The following ZNF609 variants were observed in gnomAD, a reference collection of about 807,000 sequenced individuals.
The protein encoded by ZNF609 is zinc finger protein 609.
ZNF609 carries 11 observed loss-of-function variants against 109.5 expected under a neutral mutation model. The observed-to-expected ratio is 0.10, with a 90% CI of 0.06 to 0.17. The LOEUF is 0.17. ZNF609 is among the 10% of genes least tolerant of loss of function. The pLI is 1.00. For missense variants in ZNF609, 1,559 were observed against 1,772.4 expected (o/e 0.88, Z 2.16); for synonymous variants, 646 against 662.0 (o/e 0.98, Z 0.37).
intron 1 of ZNF609, among the ~76,000 whole-genome samples, chr15:64,490,013 C>T (rs1223288295): frequency 2.0e-5 from 3 of 152,194 alleles, no homozygotes; most frequent in Non-Finnish European, 4.4e-5. Flanking sequence ...GGCGGGAGTG[C>T]AGTGGCATGA....
intron 1 of ZNF609, among the ~76,000 whole-genome samples, chr15:64,463,240 T>C (rs1892967656): frequency 6.6e-6 from 1 of 151,444 alleles, no homozygotes; most frequent in Admixed American, 6.6e-5. Flanking sequence ...ACAAAAAATA[T>C]AAAAAATGTT....
chr15:64,505,495 C>G (rs1339482175), intron 2 of ZNF609, among the ~76,000 whole-genome samples: 1 of 152,140 alleles, frequency 6.6e-6, no homozygotes, highest in Non-Finnish European at 1.5e-5. Context: ...ATTTTAGATA[C>G]TAGGTTTTCT....
intron 1 of ZNF609, among the ~76,000 whole-genome samples, chr15:64,463,797 C>T (rs1257946148): frequency 6.6e-6 from 1 of 152,190 alleles, no homozygotes; most frequent in Non-Finnish European, 1.5e-5. Flanking sequence ...AGACTATTTC[C>T]AACTCTGTGT....
At chr15:64,464,104 G>A (rs1892978730) in intron 1 of ZNF609, among the ~76,000 whole-genome samples, 1 of 152,144 alleles carries the variant, frequency 6.6e-6, no homozygotes, top group Non-Finnish European at 1.5e-5. Flanking sequence ...AAGTTGGACA[G>A]ATTAGTGCTT....
At chr15:64,463,429 G>C (rs1449808597) in intron 1 of ZNF609, among the ~76,000 whole-genome samples, 1 of 151,830 alleles carries the variant, frequency 6.6e-6, no homozygotes, top group Non-Finnish European at 1.5e-5. Context: ...TTGGGGCCTG[G>C]AAAAGAGGTT....
chr15:64,514,971 T>TTTG lies in ZNF609; in HGVS notation c.747+14817_747+14819dup, dbSNP rs560453429. Among the ~76,000 whole-genome samples the TTTG allele has an allele frequency of 5.3e-5, 8 of 152,222 alleles. No individual in the cohort carries two copies. The East Asian group carries it at 1.4e-3, about 26-fold the overall frequency. ...AAATTTTTTAATCCTGCTTTAATTT[T>TTTG]TTGTTGTTGTTGTTATTTCTGAAAT... is the stretch of plus-strand genomic sequence containing the variant. On this transcript the variant is annotated intron_variant, in intron 2 of 9. Transcript: ENST00000326648.
At chr15:64,562,264 A>C (rs1032138422) in intron 2 of ZNF609, among the ~76,000 whole-genome samples, 2 of 152,228 alleles carry the variant, frequency 1.3e-5, no homozygotes, top group Admixed American at 1.3e-4. Flanking sequence ...ATTCACTGTA[A>C]TTAGTAAGAA....
At chr15:64,485,028 T>G (rs1893313504) in intron 1 of ZNF609, among the ~76,000 whole-genome samples, 1 of 152,112 alleles carries the variant, frequency 6.6e-6, no homozygotes, top group African/African-American at 2.4e-5. Flanking sequence ...CAAAATTAAC[T>G]TAGTGTACTG....
intron 2 of ZNF609, among the ~76,000 whole-genome samples, chr15:64,513,615 G>GT (rs1262646836): frequency 3.9e-5 from 6 of 152,164 alleles, no homozygotes; most frequent in African/African-American, 1.4e-4. Flanking sequence ...AACACAATCA[G>GT]TTTTTTCTTT....
In ZNF609 at chr15:64,550,618, G is replaced by T. The variant is rs1309644630; in HGVS notation, c.747+50452G>T. ...TCCCAGCACTTTGGGAGGCCAAGGT[G>T]GGCGGATCACCTGAGGTCACCAGCC... is the stretch of plus-strand genomic sequence containing the variant. On this transcript the variant is annotated intron_variant, in intron 2 of 9. Transcript: ENST00000326648. 2.0e-5 allele frequency among the ~76,000 whole-genome samples: 3 copies of T among 151,950 alleles called. No individual in the cohort carries two copies. In the South Asian group the frequency reaches 6.3e-4, roughly 32 times the overall value.
In ZNF609 at chr15:64,685,151, A is replaced by G. The variant is rs1047912928; in HGVS notation, c.*3465A>G. ...CCCTTCTGTAAAGTGTACATTACCA[A>G]GTTCCTTGTTTTTTTATATATATAT... On this transcript the variant is annotated 3_prime_UTR_variant, in exon 10 of 10. Transcript: ENST00000326648. 1 of 151,406 alleles carries G rather than the reference A, an allele frequency of 6.6e-6. No individual in the cohort carries two copies. The highest frequency in any genetic ancestry group is 1.5e-5 in the Non-Finnish European group (1 of 67,840). 9.4% of individuals were successfully genotyped at this position (151,406 alleles called of 1,614,324 possible).
At chr15:64,519,942 T>C (rs1893867520) in intron 2 of ZNF609, among the ~76,000 whole-genome samples, 1 of 152,212 alleles carries the variant, frequency 6.6e-6, no homozygotes, top group South Asian at 2.1e-4. Flanking sequence ...ATGCACAGTA[T>C]ATGGAGGTTA....
At chr15:64,558,835 GA>G (rs1894632993) in intron 2 of ZNF609, among the ~76,000 whole-genome samples, 1 of 151,666 alleles carries the variant, frequency 6.6e-6, no homozygotes, top group Non-Finnish European at 1.5e-5. Flanking sequence ...TTATTTCAAA[GA>G]ATTTTATTTT....
At position 64,680,721 on chromosome 15, in the gene ZNF609, G is replaced by T; in HGVS notation, c.4021G>T (p.Val1341Phe). Residue 1341 changes from valine (V) to phenylalanine (F), a missense_variant, in exon 8 of 10, where the codon GTC becomes TTC. By Grantham distance (50) the Val-to-Phe change is conservative. Coordinates refer to ENST00000326648, the MANE Select transcript of ZNF609 (RefSeq NM_015042.2). ...VVGGGGSCSS[V>F]GGASGGERSV... The stretch of plus-strand genomic sequence containing the variant: ...TGGGGGTGGTGGCAGCTGTAGCAGC[G>T]TCGGGGGAGCAAGTGGGGGTGAACG... The T allele has an allele frequency of 6.2e-7, 1 of 1,612,978 alleles. No homozygotes were observed. The highest frequency in any genetic ancestry group is 8.5e-7 in the Non-Finnish European group (1 of 1,179,892).
intron 2 of ZNF609, among the ~76,000 whole-genome samples, chr15:64,527,027 T>C (rs1224913044): frequency 6.6e-6 from 1 of 152,022 alleles, no homozygotes; most frequent in Non-Finnish European, 1.5e-5. Flanking sequence ...CAGAACAAGA[T>C]AATTCTTGAG....
chr15:64,619,909 T>C (rs1388867868), intron 2 of ZNF609, among the ~76,000 whole-genome samples: 1 of 152,226 alleles, frequency 6.6e-6, no homozygotes, highest in Non-Finnish European at 1.5e-5. Context: ...CTTCATTTTA[T>C]CTAGAATGTA....
intron 2 of ZNF609, chr15:64,592,943 A>G (rs1167372818): frequency 1.2e-6 from 1 of 867,824 alleles, no homozygotes; most frequent in African/African-American, 1.7e-5. Flanking sequence ...TAAAATAAAA[A>G]TAATGTTTTT....
chr15:64,525,223 G>A (rs986416770), intron 2 of ZNF609, among the ~76,000 whole-genome samples: 5 of 152,066 alleles, frequency 3.3e-5, no homozygotes, highest in Admixed American at 3.3e-4. Context: ...CTTACATTTA[G>A]GTATTTGATC....
intron 6 of ZNF609, among the ~76,000 whole-genome samples, chr15:64,679,613 G>T (rs868251379): frequency 6.5e-4 from 99 of 152,302 alleles, no homozygotes; most frequent in Middle Eastern, 6.8e-3. Context: ...CCCTTGAGGT[G>T]TTCCTTTATC....
Sources: gnomAD v4.1 joint callset for allele counts (sites outside exome capture counted in the v4.1 genomes callset) on GRCh38, gnomAD v4.1.1 for gene constraint, MANE v1.5 for transcripts, NCBI Gene and HGNC (gene_info 2026-07-23, HGNC 2026-07-21) for gene names.